Variants in STAG2 observed in about 807,000 individuals in gnomAD.
STAG2 encodes STAG2 cohesin complex component, also known as cohesin subunit SA-2.
STAG2 carries 14 observed loss-of-function variants against 108.1 expected under a neutral mutation model. The observed-to-expected ratio is 0.13, with a 90% confidence interval of 0.09 to 0.20. The LOEUF (loss-of-function observed/expected upper bound fraction) is 0.20, where lower values mean the gene tolerates loss of function less well. Ranked by LOEUF, STAG2 falls within the 10% of genes least tolerant of loss-of-function variation. The probability of loss-of-function intolerance (pLI) is 1.00; values close to 1 mark genes in which losing one functional copy is unlikely to be tolerated. For missense variants in STAG2, 440 were observed against 940.9 expected (o/e 0.47, Z 6.96); for synonymous variants, 307 against 302.7 (o/e 1.01, Z -0.15).
chrX:124,017,929 A>C (rs2056787354), intron 1 of STAG2, among the ~76,000 whole-genome samples: 1 of 112,122 alleles, frequency 8.9e-6, no homozygotes, highest in Admixed American at 9.5e-5. Context: ...TTAATCTAAT[A>C]ATTAATAGCC....
At chrX:124,065,848 G>A (rs1457751724) in intron 20 of STAG2, 28 bp from the exon 21 acceptor site, 2 of 1,046,031 alleles carry the variant, frequency 1.9e-6, no homozygotes, top group South Asian at 2.4e-5. Flanking sequence ...CACTTTGATG[G>A]TTCTTAATGT....
intron 1 of STAG2, chrX:123,963,101 TGGC>T (rs1454986815): frequency 1.8e-5 from 2 of 111,296 alleles, no homozygotes; most frequent in Admixed American, 9.5e-5. Flanking sequence ...TCCGGGCTGT[TGGC>T]GGTGTCAGCA....
At chrX:124,041,341 A>T (rs1464645597) in intron 6 of STAG2, among the ~76,000 whole-genome samples, 2 of 109,417 alleles carry the variant, frequency 1.8e-5, no homozygotes, top group Non-Finnish European at 3.8e-5. Flanking sequence ...AAATTATTTA[A>T]TTTCTTTTAG....
Position 124,035,186 on chromosome X carries a change from T to C in STAG2, c.289-2341T>C, listed in dbSNP as rs1489340646. Among the ~76,000 whole-genome samples, 6 of 111,695 alleles carry C rather than the reference T, an allele frequency of 5.4e-5. No homozygotes were observed. The South Asian group carries it at 1.8e-3, about 34-fold the overall frequency. On this transcript the variant is annotated intron_variant, in intron 5 of 34. Transcript: ENST00000371145. The stretch of plus-strand genomic sequence containing the variant: ...GCTGTTGGTTTAAAACTGGTTGTTA[T>C]GTTTTAAGAATGGAGAAAGTATGCG...
At chrX:123,986,822 A>G (rs1318639892) in intron 1 of STAG2, among the ~76,000 whole-genome samples, 1 of 110,531 alleles carries the variant, frequency 9.0e-6, no homozygotes, top group Non-Finnish European at 1.9e-5. Context: ...TGAATAACTT[A>G]TGATTTTAAA....
At chrX:123,994,771 CAA>C (rs1469689164) in intron 1 of STAG2, among the ~76,000 whole-genome samples, 1 of 111,672 alleles carries the variant, frequency 9.0e-6, no homozygotes, top group African/African-American at 3.3e-5. Context: ...ATTTATGAGA[CAA>C]ATATGTAGAA....
chrX:124,028,668 C>T (rs894104322), intron 4 of STAG2, among the ~76,000 whole-genome samples: 3 of 108,184 alleles, frequency 2.8e-5, no homozygotes, highest in Admixed American at 1.0e-4. Context: ...AGAAGGGACC[C>T]TCTAAGGAAT....
intron 20 of STAG2, among the ~76,000 whole-genome samples, chrX:124,065,255 A>G (rs980848388): frequency 5.3e-5 from 6 of 112,422 alleles, no homozygotes; most frequent in African/African-American, 1.9e-4. Flanking sequence ...TAGAAGAGTT[A>G]TAGTTTAAAA....
At chrX:124,006,682 G>T (rs185102184) in intron 1 of STAG2, among the ~76,000 whole-genome samples, 1 of 110,532 alleles carries the variant, frequency 9.0e-6, no homozygotes, top group African/African-American at 3.3e-5. Flanking sequence ...CTTGTGATCC[G>T]CCCACCTCGG....
intron 1 of STAG2, among the ~76,000 whole-genome samples, chrX:123,992,900 G>A (rs1410043801): frequency 9.0e-6 from 1 of 110,861 alleles, no homozygotes; most frequent in African/African-American, 3.3e-5. Context: ...GGTGGTTATG[G>A]TTACAGGCTG....
intron 1 of STAG2, among the ~76,000 whole-genome samples, chrX:123,997,355 G>A (rs985931131): frequency 1.8e-5 from 2 of 111,426 alleles, no homozygotes; most frequent in African/African-American, 6.5e-5. Flanking sequence ...CAGTTTAGTG[G>A]CATTAAGTAC....
At chrX:124,009,857 T>C (rs2056461157) in intron 1 of STAG2, among the ~76,000 whole-genome samples, 1 of 112,223 alleles carries the variant, frequency 8.9e-6, no homozygotes, top group Non-Finnish European at 1.9e-5. Flanking sequence ...TTAGATTATT[T>C]CTTTTGATAT....
intron 1 of STAG2, among the ~76,000 whole-genome samples, chrX:123,969,317 T>C (rs1219486889): frequency 2.7e-5 from 3 of 111,623 alleles, no homozygotes; most frequent in African/African-American, 9.8e-5. Flanking sequence ...TTATGCTCTA[T>C]TTAAAATGGA....
intron 4 of STAG2, among the ~76,000 whole-genome samples, chrX:124,026,141 A>AATAATG (rs1333896643): frequency 8.7e-5 from 9 of 103,261 alleles, no homozygotes; most frequent in Non-Finnish European, 1.6e-4. Context: ...TAATAATAAT[A>AATAATG]ATAATAATAA....
chrX:124,000,685 GA>G (rs1467586032), intron 1 of STAG2, among the ~76,000 whole-genome samples: 1 of 110,511 alleles, frequency 9.0e-6, no homozygotes, highest in Non-Finnish European at 1.9e-5. Flanking sequence ...TGTCTCAAGG[GA>G]AAAAAAGAAA....
At chrX:124,041,796 C>T (rs1002448060) in intron 6 of STAG2, among the ~76,000 whole-genome samples, 3 of 111,173 alleles carry the variant, frequency 2.7e-5, no homozygotes, top group African/African-American at 9.8e-5. Flanking sequence ...TGTACCTTTT[C>T]TTTTTTCCTC....
intron 4 of STAG2, among the ~76,000 whole-genome samples, chrX:124,029,003 A>T (rs1213849277): frequency 7.2e-5 from 7 of 97,185 alleles, no homozygotes; most frequent in South Asian, 4.6e-4. Context: ...ATATATATAT[A>T]TATATATATA....
chrX:123,977,548 G>A (rs1247992871), intron 1 of STAG2, among the ~76,000 whole-genome samples: 1 of 110,909 alleles, frequency 9.0e-6, no homozygotes, highest in Non-Finnish European at 1.9e-5. Flanking sequence ...TGCTGTTACT[G>A]CTAACAGTAG....
At chrX:124,091,127 T>G (rs1449504575) in intron 32 of STAG2, among the ~76,000 whole-genome samples, 163 bp downstream of exon 32, 1 of 112,158 alleles carries the variant, frequency 8.9e-6, no homozygotes, top group Admixed American at 9.5e-5. Context: ...AAGCAAAATA[T>G]TTTAATTAAA....
Sources: allele counts gnomAD v4.1 joint callset (sites outside exome capture counted in the v4.1 genomes callset), GRCh38; gene constraint gnomAD v4.1.1; transcripts MANE v1.5; gene names NCBI Gene and HGNC (gene_info 2026-07-23, HGNC 2026-07-21).